OTUD7B: variants seen among roughly 807,000 people sequenced by gnomAD.
OTUD7B encodes OTU deubiquitinase 7B.
OTUD7B carries 34 observed loss-of-function variants against 82.2 expected under a neutral mutation model. The observed-to-expected ratio is 0.41, with a 90% CI of 0.31 to 0.55. The LOEUF is 0.55. OTUD7B is among the 20% of genes least tolerant of loss of function. The pLI is 0.20. For missense variants in OTUD7B, 944 were observed against 1,062.1 expected (o/e 0.89, Z 1.55); for synonymous variants, 398 against 402.7 (o/e 0.99, Z 0.14).
intron 1 of OTUD7B, among the ~76,000 whole-genome samples, chr1:149,995,305 C>T (rs587647818): frequency 1.5e-4 from 23 of 152,254 alleles, no homozygotes; most frequent in Admixed American, 5.9e-4. Flanking sequence ...CTTGGCCGGG[C>T]GCAGTGGCTC....
intron 1 of OTUD7B, among the ~76,000 whole-genome samples, chr1:149,992,481 T>TTTTG (rs1651653963): frequency 6.5e-4 from 1 of 1,534 alleles, no homozygotes; most frequent in Admixed American, 0.011. Context: ...TTTTTTTTTT[T>TTTTG]TTTTTTTTTT....
At chr1:150,025,963 A>G in the OTUD7B span, among the ~76,000 whole-genome samples, 1 of 152,240 alleles carries the variant, frequency 6.6e-6, no homozygotes, top group African/African-American at 2.4e-5. Context: ...GGATCTGCAG[A>G]GCTCTGGAGC....
At chr1:150,045,904 C>A in the OTUD7B span, among the ~76,000 whole-genome samples, 5 of 151,900 alleles carry the variant, frequency 3.3e-5, no homozygotes, top group Non-Finnish European at 5.9e-5. Flanking sequence ...GAGACACAAG[C>A]CTTATATAGT....
At chr1:150,001,337 A>G (rs1372997985) in intron 1 of OTUD7B, among the ~76,000 whole-genome samples, 10 of 152,188 alleles carry the variant, frequency 6.6e-5, no homozygotes, top group Non-Finnish European at 1.3e-4. Context: ...CAACACAAAA[A>G]CAGTCAGGAG....
intron 7 of OTUD7B, among the ~76,000 whole-genome samples, chr1:149,955,254 T>A (rs1456898500): frequency 6.6e-6 from 1 of 152,322 alleles, no homozygotes; most frequent in Non-Finnish European, 1.5e-5. Context: ...TTTGTTCTCA[T>A]TGGTTTCAAA....
intron 1 of OTUD7B, among the ~76,000 whole-genome samples, chr1:150,008,437 G>A (rs1252996152): frequency 2.6e-5 from 4 of 152,164 alleles, no homozygotes; most frequent in Non-Finnish European, 5.9e-5. Context: ...AAAGCTTTGG[G>A]AAATTTTCCA....
chr1:150,027,316 T>C, the OTUD7B span, among the ~76,000 whole-genome samples: 1 of 152,158 alleles, frequency 6.6e-6, no homozygotes, highest in African/African-American at 2.4e-5. Flanking sequence ...CCGGGCACAG[T>C]GGCTCACACC....
rs1553771651 is a variant in OTUD7B at position 149,944,794 on chromosome 1, G to C, written c.1595C>G (p.Pro532Arg). 1.2e-6 allele frequency: 2 copies of C among 1,613,994 alleles called. No homozygotes were observed. The highest frequency in any genetic ancestry group is 4.5e-5 in the East Asian group (2 of 44,860). ...TCCCAACCCTGTCCCCACCCCTCCA[G>C]GCTTTGAACCCTTGCTGTGCATCAG... ...GGLMHSKGSK[P>R]GGVGTGLGGS... Residue 532 changes from proline to arginine, a missense_variant, in exon 12 of 12, where the codon CCT becomes CGT. By Grantham distance (103) the Pro-to-Arg change is moderately radical (BLOSUM62 -2). Coordinates refer to ENST00000581312, the MANE Select transcript of OTUD7B (RefSeq NM_020205.4).
chr1:149,944,645 C>T lies in OTUD7B; in HGVS notation c.1744G>A (p.Gly582Ser). The T allele has an allele frequency of 4.3e-6, 7 of 1,614,012 alleles. No homozygotes were observed. The highest frequency in any genetic ancestry group is 5.9e-6 in the Non-Finnish European group (7 of 1,180,028). The change falls in exon 12 of 12, where the codon GGT (glycine) becomes AGT (serine). Residue 582 changes from glycine to serine, a missense_variant. This residue lies in a region of OTUD7B where 412 missense variants were observed against 418.7 expected (regional missense o/e 0.98). Transcript: ENST00000581312. ...TGGCTATACTTGCTCCCTCCGTTACCAACAGACTCAGCTGGGGGCTTCTCA... is the reference window on the plus strand; with the variant it reads ...TGGCTATACTTGCTCCCTCCGTTACTAACAGACTCAGCTGGGGGCTTCTCA... ...VSEKPPAESVGNGGSKYSQEV... is the reference protein window; with the variant it reads ...VSEKPPAESVSNGGSKYSQEV...
At chr1:149,996,211 C>T (rs1553783346) in intron 1 of OTUD7B, among the ~76,000 whole-genome samples, 1 of 152,196 alleles carries the variant, frequency 6.6e-6, no homozygotes, top group African/African-American at 2.4e-5. Context: ...CAAACTCATT[C>T]AAATGCCAAA....
intron 7 of OTUD7B, among the ~76,000 whole-genome samples, chr1:149,959,211 A>C (rs1648953253): frequency 7.7e-6 from 1 of 129,136 alleles, no homozygotes; most frequent in Non-Finnish European, 1.6e-5. Flanking sequence ...ACAAAGTAAG[A>C]CTCTGTCTCA....
At chr1:150,054,628 T>C in the OTUD7B span, 1 of 357,110 alleles carries the variant, frequency 2.8e-6, no homozygotes, top group South Asian at 2.2e-5. Context: ...GCCAACATGG[T>C]GAAATCCTGT....
the OTUD7B span, among the ~76,000 whole-genome samples, chr1:150,066,133 A>G: frequency 1.3e-5 from 2 of 152,226 alleles, no homozygotes; most frequent in Non-Finnish European, 2.9e-5. This position sits in a 1 kb window ranked among gnomAD's most constrained non-coding sequence, Gnocchi z 4.6. Context: ...TCTATACTGC[A>G]ATCTAAATTA....
At chr1:149,956,948 A>C (rs184264699) in intron 7 of OTUD7B, among the ~76,000 whole-genome samples, 2 of 152,082 alleles carry the variant, frequency 1.3e-5, no homozygotes, top group Admixed American at 1.3e-4. Flanking sequence ...ATCTTTTTTC[A>C]AGGTTTTTAG....
At chr1:150,036,621 C>T in the OTUD7B span, among the ~76,000 whole-genome samples, 2 of 152,038 alleles carry the variant, frequency 1.3e-5, no homozygotes, top group African/African-American at 4.8e-5. Context: ...TGTAATCAAC[C>T]ATTTTTCCGT....
chr1:149,960,131 C>T (rs2101794222), intron 6 of OTUD7B, among the ~76,000 whole-genome samples: 1 of 152,206 alleles, frequency 6.6e-6, no homozygotes, highest in South Asian at 2.1e-4. Flanking sequence ...ATTCAGTGGA[C>T]CCTGGTTCCC....
chr1:149,981,972 AC>A (rs1650766086), intron 1 of OTUD7B, among the ~76,000 whole-genome samples: 1 of 151,978 alleles, frequency 6.6e-6, no homozygotes, highest in South Asian at 2.1e-4. Context: ...ACACGGTGAA[AC>A]CCTGTCTCTA....
At chr1:150,046,609 G>C in the OTUD7B span, among the ~76,000 whole-genome samples, 1 of 89,824 alleles carries the variant, frequency 1.1e-5, no homozygotes, top group Admixed American at 1.6e-4. Flanking sequence ...AACCACACCT[G>C]GCTAATTTTT....
chr1:149,954,041 T>C (rs1341038227), intron 7 of OTUD7B, among the ~76,000 whole-genome samples: 2 of 152,170 alleles, frequency 1.3e-5, no homozygotes, highest in Non-Finnish European at 2.9e-5. Context: ...CCTTTATTTC[T>C]TTCTCCTGCC....
Sources: gnomAD v4.1 joint callset for allele counts (sites outside exome capture counted in the v4.1 genomes callset) on GRCh38, gnomAD v4.1.1 for gene constraint, gnomAD v4.1.1 regional missense constraint, Gnocchi (gnomAD v3.1) non-coding constraint, MANE v1.5 for transcripts, NCBI Gene and HGNC (gene_info 2026-07-23, HGNC 2026-07-21) for gene names.